The following RYR2 variants were observed in gnomAD, a reference collection of about 807,000 sequenced individuals.
RYR2 encodes cardiac muscle ryanodine receptor-calcium release channel.
Under a neutral mutation model 601.1 loss-of-function variants are expected in RYR2, and 227 were observed. The ratio of observed to expected loss-of-function variants is 0.38; its 90% CI spans 0.34 to 0.42. RYR2 has a LOEUF of 0.42. RYR2 is among the 10% of genes least tolerant of loss of function. The pLI, the probability that RYR2 is intolerant of heterozygous loss-of-function variation, is 1.00. For missense variants in RYR2, 4,646 were observed against 6,156.5 expected, an observed-to-expected ratio of 0.75 and a Z score of 8.21; for synonymous variants, 2,223 against 2,175.1, an observed-to-expected ratio of 1.02 and a Z score of -0.61.
At chr1:237,734,917 G>A (rs532940634) in intron 79 of RYR2, among the ~76,000 whole-genome samples, 6 of 152,288 alleles carry the variant, frequency 3.9e-5, no homozygotes, top group African/African-American at 1.4e-4. Context: ...AGCCGTAGGA[G>A]TAGATGATCT....
intron 3 of RYR2, among the ~76,000 whole-genome samples, chr1:237,345,144 T>C (rs1698183836): frequency 6.6e-6 from 1 of 152,180 alleles, no homozygotes; most frequent in Admixed American, 6.5e-5. Flanking sequence ...TGTCTGTCTC[T>C]GACTTTGTTC....
chr1:237,350,611 A>ATG (rs1336943500), intron 3 of RYR2, among the ~76,000 whole-genome samples: 1 of 103,692 alleles, frequency 9.6e-6, no homozygotes, highest in African/African-American at 4.4e-5. Flanking sequence ...AAATATATAT[A>ATG]TATATATATA....
chr1:237,423,126 T>C lies in RYR2; in HGVS notation c.883T>C (p.Phe295Leu). The C allele has an allele frequency of 6.2e-7, 1 of 1,613,826 alleles. No homozygotes were observed. Among genetic ancestry groups the C allele is most frequent in the Non-Finnish European group, 8.5e-7 (1 of 1,179,788 alleles). Residue 295 changes from phenylalanine to leucine, a missense_variant, in exon 12 of 105, where the codon TTC becomes CTC. Around this residue, in one of 17 missense-constraint regions of RYR2, gnomAD observed 1,807 missense variants for 2,088.1 expected, o/e 0.87. Transcript: ENST00000366574. ...SGSHIRWGQP[F>L]RLRHVTTGKY... Reference sequence around the variant, plus strand: ...AAGCCACATAAGATGGGGACAGCCATTCCGACTACGCCATGTCACAACAGG... The same window carrying C: ...AAGCCACATAAGATGGGGACAGCCACTCCGACTACGCCATGTCACAACAGG...
intron 36 of RYR2, among the ~76,000 whole-genome samples, chr1:237,611,705 A>G (rs984524005): frequency 5.3e-5 from 8 of 152,214 alleles, no homozygotes; most frequent in Admixed American, 5.2e-4. Context: ...CTGAGTAAAA[A>G]CAAGTCATGA....
chr1:237,149,205 A>G (rs944509158), intron 1 of RYR2, among the ~76,000 whole-genome samples: 2 of 152,196 alleles, frequency 1.3e-5, no homozygotes, highest in African/African-American at 2.4e-5. Flanking sequence ...CTTATTTTCT[A>G]TGCCTATCTA....
intron 1 of RYR2, among the ~76,000 whole-genome samples, chr1:237,197,052 A>G (rs1680652919): frequency 6.6e-6 from 1 of 152,136 alleles, no homozygotes; most frequent in Non-Finnish European, 1.5e-5. Context: ...TTAAAAACAT[A>G]TATGTTCTGT....
intron 2 of RYR2, among the ~76,000 whole-genome samples, chr1:237,277,300 C>T (rs914206200): frequency 4.6e-5 from 7 of 152,152 alleles, no homozygotes; most frequent in Non-Finnish European, 1.0e-4. Flanking sequence ...AAAATCAGCA[C>T]TTTCTTTAAG....
intron 1 of RYR2, among the ~76,000 whole-genome samples, chr1:237,073,852 C>CAGAGACT (rs1462672617): frequency 2.7e-5 from 3 of 110,284 alleles, no homozygotes; most frequent in African/African-American, 3.6e-5. Context: ...GCCTGGGCGA[C>CAGAGACT]AGAGACTCCA....
intron 65 of RYR2, among the ~76,000 whole-genome samples, chr1:237,701,103 G>A (rs1333519835): frequency 6.6e-6 from 1 of 152,236 alleles, no homozygotes; most frequent in Admixed American, 6.5e-5. Context: ...CCTTTGTTGA[G>A]CAGAATCACC....
At position 237,106,062 on chromosome 1, in the gene RYR2, G is replaced by A. The variant is rs1043438718; in HGVS notation, c.48+63493G>A. Among the ~76,000 whole-genome samples, 13 of 152,154 alleles carry A rather than the reference G, an allele frequency of 8.5e-5. No homozygotes were observed. Among genetic ancestry groups the A allele is most frequent in the African/African-American group, 2.6e-4 (11 of 41,534 alleles). On this transcript the variant is annotated intron_variant, in intron 1 of 104. Transcript: ENST00000366574. The surrounding 1 kb of genome is among the most constrained non-coding windows in gnomAD (Gnocchi z 4.4). ...GCACAGTGGTGGGGAGGCCAGAGGG[G>A]CTGCGGGTGTGGGCCGGGCAGGTGG...
intron 56 of RYR2, among the ~76,000 whole-genome samples, chr1:237,665,385 G>A (rs1033272394): frequency 7.4e-6 from 1 of 135,700 alleles, no homozygotes; most frequent in African/African-American, 2.8e-5. Flanking sequence ...GTGACAGAGC[G>A]AGACTCTGTC....
At chr1:237,825,526 A>G (rs1662993375) in intron 101 of RYR2, among the ~76,000 whole-genome samples, 1 of 152,256 alleles carries the variant, frequency 6.6e-6, no homozygotes, top group Non-Finnish European at 1.5e-5. Flanking sequence ...AAGATCGATT[A>G]AAGACTTAAA....
intron 66 of RYR2, among the ~76,000 whole-genome samples, chr1:237,703,962 CAAAACAAACAAGCA>C (rs1176407237): frequency 6.6e-6 from 1 of 152,120 alleles, no homozygotes. Context: ...GAAACCAAAC[CAAAACAAACAAGCA>C]AACTGATAAA....
At chr1:237,596,324 A>T (rs115978575) in intron 34 of RYR2, among the ~76,000 whole-genome samples, 4,738 of 152,346 alleles carry the variant, frequency 0.031, 100 homozygotes, top group Non-Finnish European at 0.05. Flanking sequence ...CATGATCTGA[A>T]TGAGATATTC....
rs1481345595 is a variant in RYR2, at chr1:237,496,555, A to G, written c.2006A>G (p.Gln669Arg). ...CTGGGCGTCAGTGAAGGTTCTGCTC[A>G]GTATAAGAAATGGTACTATGAATTG... ...IFLGVSEGSA[Q>R]YKKWYYELMV... Residue 669 changes from glutamine (Q) to arginine (R), a missense_variant, in exon 20 of 105, where the codon CAG becomes CGG. This residue lies in a region of RYR2 where 1,807 missense variants were observed against 2,088.1 expected (regional missense o/e 0.87). Transcript: ENST00000366574. 1.2e-6 allele frequency: 2 copies of G among 1,613,922 alleles called. No homozygotes were observed. Among genetic ancestry groups the G allele is most frequent in the African/African-American group, 1.3e-5 (1 of 74,934 alleles).
intron 4 of RYR2, among the ~76,000 whole-genome samples, chr1:237,357,930 A>G (rs1699441267): frequency 6.6e-6 from 1 of 152,214 alleles, no homozygotes; most frequent in Non-Finnish European, 1.5e-5. Flanking sequence ...ACGGATGATC[A>G]CTATGTGTAA....
intron 1 of RYR2, among the ~76,000 whole-genome samples, chr1:237,247,723 A>T (rs1179717359): frequency 6.6e-6 from 1 of 152,206 alleles, no homozygotes; most frequent in East Asian, 1.9e-4. Flanking sequence ...AGGTACCAGG[A>T]GGAAGGTGGA....
chr1:237,074,334 T>G (rs911493206), intron 1 of RYR2, among the ~76,000 whole-genome samples: 18 of 152,122 alleles, frequency 1.2e-4, no homozygotes, highest in Non-Finnish European at 2.6e-4. Context: ...AAAAATAGAT[T>G]AAATAAAATT....
Position 237,610,692 on chromosome 1 carries a change from T to A in RYR2, c.4684-70T>A. On this transcript the variant is annotated intron_variant, in intron 35 of 104. Coordinates refer to ENST00000366574, the MANE Select transcript of RYR2 (RefSeq NM_001035.3). The surrounding 1 kb of genome is among the most constrained non-coding windows in gnomAD (Gnocchi z 4.9). ...TCCCTGTCTCTGTCCTGTGCAGAATTCTAGTCATTACTTTGTGAACCCCAA... is the reference window on the plus strand; with the variant it reads ...TCCCTGTCTCTGTCCTGTGCAGAATACTAGTCATTACTTTGTGAACCCCAA... 3 of 1,250,924 alleles carry A rather than the reference T, an allele frequency of 2.4e-6. No individual in the cohort carries two copies. Among genetic ancestry groups the A allele is most frequent in the Non-Finnish European group, 3.4e-6 (3 of 889,404 alleles). 77.5% of individuals were successfully genotyped at this position (1,250,924 alleles called of 1,614,324 possible).
Sources: gnomAD v4.1 joint callset for allele counts (sites outside exome capture counted in the v4.1 genomes callset) on GRCh38, gnomAD v4.1.1 for gene constraint, gnomAD v4.1.1 regional missense constraint, Gnocchi (gnomAD v3.1) non-coding constraint, MANE v1.5 for transcripts, NCBI Gene and HGNC (gene_info 2026-07-23, HGNC 2026-07-21) for gene names.